GALNTL6: variants seen among roughly 807,000 people sequenced by gnomAD.
GALNTL6 encodes polypeptide N-acetylgalactosaminyltransferase like 6, also known as polypeptide N-acetylgalactosaminyltransferase-like 6.
A neutral mutation model predicts 73.7 loss-of-function variants in GALNTL6; 46 were observed. The ratio of observed to expected loss-of-function variants is 0.62; its 90% CI spans 0.49 to 0.80. GALNTL6 has a LOEUF of 0.80. GALNTL6 is among the 30% of genes least tolerant of loss of function. GALNTL6 has a pLI of 0.00. For missense variants in GALNTL6, 604 were observed against 755.0 expected (o/e 0.80, Z 2.34); for synonymous variants, 259 against 263.7 (o/e 0.98, Z 0.17).
intron 2 of GALNTL6, among the ~76,000 whole-genome samples, chr4:171,981,428 C>G (rs1739892106): frequency 6.6e-6 from 1 of 152,148 alleles, no homozygotes; most frequent in African/African-American, 2.4e-5. Context: ...GTTTACATTG[C>G]CAGGGTGAAA....
At chr4:172,772,300 C>T (rs1738815174) in intron 5 of GALNTL6, among the ~76,000 whole-genome samples, 1 of 152,044 alleles carries the variant, frequency 6.6e-6, no homozygotes. Context: ...TAACAGATAT[C>T]CAAGGAAGAC....
At chr4:172,978,086 TC>T (rs1441821352) in intron 10 of GALNTL6, among the ~76,000 whole-genome samples, 2 of 152,196 alleles carry the variant, frequency 1.3e-5, no homozygotes, top group African/African-American at 4.8e-5. Context: ...AGGTGTTCCG[TC>T]CGCCTTGGCT....
chr4:172,339,399 G>A (rs986055168), intron 4 of GALNTL6, among the ~76,000 whole-genome samples: 1 of 151,866 alleles, frequency 6.6e-6, no homozygotes, highest in Non-Finnish European at 1.5e-5. Context: ...TAGACCTGTG[G>A]CAAGGGGAGG....
chr4:172,524,960 A>G (rs908280489), intron 5 of GALNTL6, among the ~76,000 whole-genome samples: 13 of 152,186 alleles, frequency 8.5e-5, no homozygotes, highest in Admixed American at 7.9e-4. Context: ...TTGACTTTCA[A>G]GTATGATATG....
At chr4:171,960,814 T>C (rs554929159) in intron 2 of GALNTL6, among the ~76,000 whole-genome samples, 1 of 151,674 alleles carries the variant, frequency 6.6e-6, no homozygotes, top group East Asian at 1.9e-4. Flanking sequence ...TTACAACTGA[T>C]GGGAGCACCT....
At chr4:172,524,287 C>T (rs1229557551) in intron 5 of GALNTL6, among the ~76,000 whole-genome samples, 2 of 151,698 alleles carry the variant, frequency 1.3e-5, no homozygotes, top group Admixed American at 6.6e-5. Flanking sequence ...CTCACTCTGT[C>T]GCCCAGGCTG....
intron 9 of GALNTL6, among the ~76,000 whole-genome samples, chr4:172,946,928 G>T (rs1749194081): frequency 1.3e-5 from 2 of 152,120 alleles, no homozygotes; most frequent in Admixed American, 1.3e-4. Flanking sequence ...TGAGAAAGAT[G>T]AATTGCCGGG....
At chr4:173,029,262 G>A (rs1473266388) in intron 12 of GALNTL6, among the ~76,000 whole-genome samples, 1 of 152,146 alleles carries the variant, frequency 6.6e-6, no homozygotes, top group African/African-American at 2.4e-5. Context: ...AGTCCTAATT[G>A]CCAGAAAGCT....
At chr4:172,969,088 A>G (rs1368051382) in intron 10 of GALNTL6, among the ~76,000 whole-genome samples, 1 of 152,214 alleles carries the variant, frequency 6.6e-6, no homozygotes, top group East Asian at 1.9e-4. Flanking sequence ...ACAAATCAGA[A>G]TTAGAACTGC....
At chr4:172,578,511 G>A (rs1289904252) in intron 5 of GALNTL6, among the ~76,000 whole-genome samples, 1 of 152,184 alleles carries the variant, frequency 6.6e-6, no homozygotes, top group Non-Finnish European at 1.5e-5. Context: ...CAAAGAAGAG[G>A]AATGTCTCCA....
chr4:172,274,106 C>T (rs541271535), intron 3 of GALNTL6, among the ~76,000 whole-genome samples: 2 of 152,168 alleles, frequency 1.3e-5, no homozygotes, highest in African/African-American at 4.8e-5. Context: ...ATTAATGTAT[C>T]CTATTATGGA....
At chr4:172,260,272 C>T (rs1738214310) in intron 3 of GALNTL6, among the ~76,000 whole-genome samples, 1 of 151,652 alleles carries the variant, frequency 6.6e-6, no homozygotes, top group African/African-American at 2.4e-5. Context: ...TGATTTCTTT[C>T]AGCAGTGTTT....
intron 9 of GALNTL6, among the ~76,000 whole-genome samples, chr4:172,943,593 A>T (rs954646492): frequency 6.6e-6 from 1 of 152,240 alleles, no homozygotes; most frequent in African/African-American, 2.4e-5. Context: ...CAGGGACATG[A>T]TTACCTCAGG....
chr4:172,634,544 C>A (rs1048879732), intron 5 of GALNTL6, among the ~76,000 whole-genome samples: 7 of 151,990 alleles, frequency 4.6e-5, no homozygotes. Flanking sequence ...TCCCTATAGG[C>A]ACTTCAACTT....
intron 2 of GALNTL6, among the ~76,000 whole-genome samples, chr4:171,922,436 T>C (rs1737819812): frequency 6.6e-6 from 1 of 152,156 alleles, no homozygotes; most frequent in African/African-American, 2.4e-5. Flanking sequence ...CTTTTAAAAA[T>C]GCATTCTGCA....
At chr4:172,045,277 C>T (rs901515565) in intron 2 of GALNTL6, among the ~76,000 whole-genome samples, 1 of 151,976 alleles carries the variant, frequency 6.6e-6, no homozygotes, top group African/African-American at 2.4e-5. Context: ...TACAGTGGAG[C>T]AGGTGGGTCT....
At chr4:172,735,998 A>T (rs1398384391) in intron 5 of GALNTL6, among the ~76,000 whole-genome samples, 1 of 152,216 alleles carries the variant, frequency 6.6e-6, no homozygotes, top group Non-Finnish European at 1.5e-5. Flanking sequence ...GGTCACAGAG[A>T]TCACATGCTT....
intron 2 of GALNTL6, among the ~76,000 whole-genome samples, chr4:172,073,298 T>G (rs758198767): frequency 6.6e-6 from 1 of 152,192 alleles, no homozygotes; most frequent in Non-Finnish European, 1.5e-5. Context: ...TATAAGCTCC[T>G]TGAAGCCATT....
intron 5 of GALNTL6, among the ~76,000 whole-genome samples, chr4:172,570,007 G>A (rs1223414748): frequency 6.6e-6 from 1 of 152,144 alleles, no homozygotes; most frequent in Non-Finnish European, 1.5e-5. Flanking sequence ...TCTCTAATAA[G>A]TCCAGTCTTC....
Sources: allele counts gnomAD v4.1 joint callset (sites outside exome capture counted in the v4.1 genomes callset), GRCh38; gene constraint gnomAD v4.1.1; transcripts MANE v1.5; gene names NCBI Gene and HGNC (gene_info 2026-07-23, HGNC 2026-07-21).